LRRC4C: variants seen among roughly 807,000 people sequenced by gnomAD.
The protein encoded by LRRC4C is leucine rich repeat containing 4C, also known as leucine-rich repeat-containing protein 4C.
In LRRC4C, 5 loss-of-function variants were observed where a neutral mutation model predicts 33.6. The ratio of observed to expected loss-of-function variants is 0.15; its 90% CI spans 0.08 to 0.31. The LOEUF is 0.31. LRRC4C is among the 10% of genes least tolerant of loss of function. LRRC4C has a pLI of 1.00. For missense variants in LRRC4C, 560 were observed against 796.7 expected (o/e 0.70, Z 3.58); for synonymous variants, 329 against 302.0 (o/e 1.09, Z -0.93).
intron 1 of LRRC4C, among the ~76,000 whole-genome samples, chr11:41,283,769 A>G (rs1274607770): frequency 1.3e-5 from 2 of 152,196 alleles, no homozygotes; most frequent in Non-Finnish European, 2.9e-5. Flanking sequence ...TAGTAACAAG[A>G]GCAGAAAGTA....
chr11:40,993,365 G>A (rs534822392), intron 1 of LRRC4C, among the ~76,000 whole-genome samples: 18 of 152,028 alleles, frequency 1.2e-4, no homozygotes, highest in African/African-American at 4.1e-4. Flanking sequence ...TATTTGAACT[G>A]GCCCACACAT....
At chr11:40,297,836 G>C (rs1165572059) in intron 4 of LRRC4C, among the ~76,000 whole-genome samples, 6 of 152,128 alleles carry the variant, frequency 3.9e-5, no homozygotes, top group Non-Finnish European at 7.4e-5. Context: ...TTAAATAAGG[G>C]AACCTAGCTA....
chr11:41,061,191 T>A (rs1225879904), intron 1 of LRRC4C, among the ~76,000 whole-genome samples: 1 of 152,094 alleles, frequency 6.6e-6, no homozygotes, highest in Non-Finnish European at 1.5e-5. Context: ...CTCATGTAAG[T>A]TGAGTGGAAG....
chr11:40,974,607 C>G (rs1851954041), intron 1 of LRRC4C, among the ~76,000 whole-genome samples: 1 of 152,158 alleles, frequency 6.6e-6, no homozygotes, highest in Admixed American at 6.5e-5. Context: ...GTTAGTTTTA[C>G]CTGTCAACTT....
At chr11:41,055,521 A>C (rs1858554539) in intron 1 of LRRC4C, among the ~76,000 whole-genome samples, 1 of 152,150 alleles carries the variant, frequency 6.6e-6, no homozygotes, top group African/African-American at 2.4e-5. Flanking sequence ...TTCAAATTTT[A>C]ATTTTTCATG....
chr11:41,051,877 C>G (rs1378070796), intron 1 of LRRC4C, among the ~76,000 whole-genome samples: 18 of 152,124 alleles, frequency 1.2e-4, no homozygotes, highest in Admixed American at 9.2e-4. Context: ...TAAGAGCAAA[C>G]AAAGAAAGCC....
chr11:40,386,202 G>A (rs1453906031), intron 3 of LRRC4C, among the ~76,000 whole-genome samples: 1 of 152,104 alleles, frequency 6.6e-6, no homozygotes, highest in Non-Finnish European at 1.5e-5. Context: ...ATGTCACAAA[G>A]CCATAAATAA....
chr11:40,174,399 G>A (rs1860298084), intron 5 of LRRC4C, among the ~76,000 whole-genome samples: 1 of 152,076 alleles, frequency 6.6e-6, no homozygotes. Context: ...CCCCACAGCT[G>A]TTATCAATCC....
chr11:40,593,431 A>G (rs950400279), intron 3 of LRRC4C, among the ~76,000 whole-genome samples: 10 of 152,210 alleles, frequency 6.6e-5, no homozygotes, highest in African/African-American at 2.4e-4. Flanking sequence ...TCAATTATAT[A>G]TGCATATACA....
chr11:40,429,274 A>G (rs1950825720), intron 3 of LRRC4C, among the ~76,000 whole-genome samples: 1 of 152,118 alleles, frequency 6.6e-6, no homozygotes, highest in South Asian at 2.1e-4. Context: ...AGGTTTCACC[A>G]TGTTGGCCAG....
At chr11:40,186,702 C>T (rs1406050665) in intron 5 of LRRC4C, among the ~76,000 whole-genome samples, 2 of 152,198 alleles carry the variant, frequency 1.3e-5, no homozygotes, top group African/African-American at 2.4e-5. Flanking sequence ...CATAAGTTTA[C>T]ACTAGATCTC....
chr11:40,390,444 T>G (rs1231477723), intron 3 of LRRC4C, among the ~76,000 whole-genome samples: 1 of 152,178 alleles, frequency 6.6e-6, no homozygotes, highest in African/African-American at 2.4e-5. Flanking sequence ...ATAGGAAATC[T>G]AAAAAATCAG....
At chr11:40,878,121 G>A (rs1014690524) in intron 2 of LRRC4C, among the ~76,000 whole-genome samples, 15 of 152,126 alleles carry the variant, frequency 9.9e-5, no homozygotes, top group South Asian at 4.1e-4. Flanking sequence ...AGTGTGCAGT[G>A]TGGGAAAGAG....
intron 3 of LRRC4C, among the ~76,000 whole-genome samples, chr11:40,613,478 C>A (rs919454185): frequency 6.6e-5 from 10 of 151,828 alleles, no homozygotes; most frequent in African/African-American, 2.4e-4. Flanking sequence ...CCACTTCCAA[C>A]TCTGGTTCTC....
intron 3 of LRRC4C, among the ~76,000 whole-genome samples, chr11:40,536,860 C>T (rs1240709608): frequency 4.6e-5 from 7 of 152,152 alleles, no homozygotes; most frequent in Non-Finnish European, 8.8e-5. Context: ...ATTTTCTCCA[C>T]AGCCATTGTC....
chr11:40,934,398 A>C (rs937538325), intron 1 of LRRC4C, among the ~76,000 whole-genome samples: 6 of 152,112 alleles, frequency 3.9e-5, no homozygotes, highest in Non-Finnish European at 7.4e-5. Context: ...TTTTATCTGC[A>C]TGTGCGTGTG....
intron 1 of LRRC4C, among the ~76,000 whole-genome samples, chr11:41,142,385 C>T (rs1388129199): frequency 6.6e-6 from 1 of 152,104 alleles, no homozygotes; most frequent in African/African-American, 2.4e-5. Context: ...GACTAACTCT[C>T]AGAAATTTTG....
intron 5 of LRRC4C, among the ~76,000 whole-genome samples, chr11:40,199,728 T>C (rs1862550193): frequency 6.6e-6 from 1 of 152,178 alleles, no homozygotes; most frequent in Non-Finnish European, 1.5e-5. Flanking sequence ...ATTTTTTTAA[T>C]TTATTATTAA....
At chr11:40,660,306 T>C (rs1943368074) in intron 2 of LRRC4C, among the ~76,000 whole-genome samples, 2 of 152,304 alleles carry the variant, frequency 1.3e-5, no homozygotes, top group African/African-American at 4.8e-5. Context: ...GCATGGGATC[T>C]AGGCCAGCAG....
Sources: allele counts gnomAD v4.1 joint callset (sites outside exome capture counted in the v4.1 genomes callset), GRCh38; gene constraint gnomAD v4.1.1; transcripts MANE v1.5; gene names NCBI Gene and HGNC (gene_info 2026-07-23, HGNC 2026-07-21).